FAM107B: variants seen among roughly 807,000 people sequenced by gnomAD.
FAM107B encodes protein FAM107B.
FAM107B carries 21 observed loss-of-function variants against 31.5 expected under a neutral mutation model. That is an observed-to-expected ratio of 0.67 (90% CI 0.47 to 0.96). The LOEUF (loss-of-function observed/expected upper bound fraction) is 0.96. FAM107B is among the 40% of genes least tolerant of loss of function. The pLI is 0.00. For synonymous variants in FAM107B, 157 were observed against 141.5 expected, an observed-to-expected ratio of 1.11 and a Z score of -0.78; for missense variants, 452 against 377.1, an observed-to-expected ratio of 1.20 and a Z score of -1.64.
At chr10:14,733,722 C>A (rs1856226631) in intron 1 of FAM107B, among the ~76,000 whole-genome samples, 1 of 152,154 alleles carries the variant, frequency 6.6e-6, no homozygotes, top group South Asian at 2.1e-4. Context: ...GAGAAATTGG[C>A]AGCTCAAAGA....
intron 2 of FAM107B, among the ~76,000 whole-genome samples, chr10:14,655,915 G>A (rs190188178): frequency 6.6e-6 from 1 of 152,246 alleles, no homozygotes; most frequent in Admixed American, 6.5e-5. Context: ...CAGGTTCTGG[G>A]GTGAGAGGAA....
intron 1 of FAM107B, among the ~76,000 whole-genome samples, chr10:14,712,799 C>T (rs368772491): frequency 1.2e-3 from 188 of 152,216 alleles, no homozygotes; most frequent in African/African-American, 4.3e-3. Context: ...TCTTAAATTT[C>T]CTTTTCTTGG....
intron 2 of FAM107B, among the ~76,000 whole-genome samples, chr10:14,560,177 T>C (rs548655853): frequency 2.0e-5 from 3 of 152,234 alleles, no homozygotes; most frequent in African/African-American, 2.4e-5. Flanking sequence ...ACCAACAGTT[T>C]GTCCCATCTG....
intron 1 of FAM107B, among the ~76,000 whole-genome samples, chr10:14,690,420 C>T (rs908332870): frequency 6.6e-6 from 1 of 152,180 alleles, no homozygotes; most frequent in Admixed American, 6.5e-5. Context: ...CTCTACATCT[C>T]ACCCATACTT....
At chr10:14,731,051 C>G (rs17267436) in intron 1 of FAM107B, among the ~76,000 whole-genome samples, 3 of 152,038 alleles carry the variant, frequency 2.0e-5, no homozygotes, top group Non-Finnish European at 4.4e-5. Context: ...CAGGCACAGG[C>G]GGATATTACA....
intron 2 of FAM107B, among the ~76,000 whole-genome samples, chr10:14,573,231 C>T (rs973274572): frequency 2.0e-5 from 3 of 152,114 alleles, no homozygotes; most frequent in Non-Finnish European, 2.9e-5. Context: ...ACTTAATCCT[C>T]AATGCAACAG....
At chr10:14,742,549 A>G (rs117948069) in intron 1 of FAM107B, among the ~76,000 whole-genome samples, 2,430 of 152,304 alleles carry the variant, frequency 0.016, 33 homozygotes, top group Non-Finnish European at 0.022. Context: ...GGGGTAGGGT[A>G]GCTACTCACT....
chr10:14,553,531 G>C, intron 2 of FAM107B: 1 of 376,468 alleles, frequency 2.7e-6, no homozygotes. Context: ...GAAGTTCTCT[G>C]GTCCCTGGTA....
chr10:14,535,683 A>G (rs1384542431), intron 2 of FAM107B, among the ~76,000 whole-genome samples: 1 of 152,234 alleles, frequency 6.6e-6, no homozygotes, highest in Non-Finnish European at 1.5e-5. Context: ...GACAGGCCTG[A>G]TGACAAGGGC....
intron 2 of FAM107B, among the ~76,000 whole-genome samples, chr10:14,559,959 A>T (rs1030942400): frequency 1.3e-5 from 2 of 151,902 alleles, no homozygotes; most frequent in Non-Finnish European, 1.5e-5. Context: ...ATAAACCTCA[A>T]CCTCCTCCTA....
intron 2 of FAM107B, among the ~76,000 whole-genome samples, chr10:14,646,097 T>A (rs550628759): frequency 3.3e-4 from 51 of 152,318 alleles, no homozygotes; most frequent in Admixed American, 2.4e-3. Flanking sequence ...AAACAGATTG[T>A]CCGTAATGCA....
chr10:14,743,428 G>A (rs1043969397), intron 1 of FAM107B, among the ~76,000 whole-genome samples: 5 of 152,076 alleles, frequency 3.3e-5, no homozygotes, highest in African/African-American at 9.7e-5. Context: ...ATCTTTGCCC[G>A]TGCCTATGTC....
chr10:14,619,989 T>A lies in FAM107B; in HGVS notation c.469+47645A>T, dbSNP rs962235262. Among the ~76,000 whole-genome samples the A allele has an allele frequency of 1.1e-4, 17 of 151,456 alleles. No homozygotes were observed. The South Asian group carries it at 2.1e-3, about 19-fold the overall frequency. ...TGCAAATCAGTTGACCGTGTAAGTG[T>A]CTATCTACGTCTGGACTTTCTTTCT... On this transcript the variant is annotated intron_variant, in intron 2 of 4. Coordinates refer to ENST00000181796, the MANE Select transcript of FAM107B (RefSeq NM_031453.4).
intron 2 of FAM107B, among the ~76,000 whole-genome samples, chr10:14,663,218 C>T (rs1251966978): frequency 6.6e-6 from 1 of 152,226 alleles, no homozygotes; most frequent in Non-Finnish European, 1.5e-5. Context: ...CCTTGTTCCT[C>T]AGCTTGCAGA....
rs1357922331 is a variant in FAM107B, at chr10:14,774,556, C to G, written c.108G>C (p.Glu36Asp). ...CGCCGGACTGATTGAAGGAAGCACT[C>G]TCCCTCGTATTCCCAAAACAGGCGA... ...ALLACFGNTR[E>D]SASFNQSGVA... is the part of the protein sequence containing the mutation. The change falls in exon 1 of 5, where the codon GAG becomes GAC. Residue 36 changes from glutamate (E) to aspartate (D), a missense_variant. Glu to Asp is a conservative substitution (Grantham distance 45, BLOSUM62 2). Transcript: ENST00000181796. 1 of 1,614,208 alleles carries G rather than the reference C, an allele frequency of 6.2e-7. No homozygotes were observed. Among genetic ancestry groups the G allele is most frequent in the Non-Finnish European group, 8.5e-7 (1 of 1,180,048 alleles).
At chr10:14,749,752 G>C (rs368691805) in intron 1 of FAM107B, among the ~76,000 whole-genome samples, 1 of 152,062 alleles carries the variant, frequency 6.6e-6, no homozygotes, top group Non-Finnish European at 1.5e-5. Context: ...CTACCATCCC[G>C]CTGAAGTCCC....
At chr10:14,626,025 G>T (rs1182044683) in intron 2 of FAM107B, among the ~76,000 whole-genome samples, 1 of 152,152 alleles carries the variant, frequency 6.6e-6, no homozygotes, top group Admixed American at 6.5e-5. Context: ...GAGCCAAGGG[G>T]AGGCTTGGGA....
chr10:14,639,019 C>T (rs1042442902), intron 2 of FAM107B, among the ~76,000 whole-genome samples: 35 of 151,878 alleles, frequency 2.3e-4, no homozygotes, highest in Admixed American at 2.1e-3. Flanking sequence ...AGTGAGACCC[C>T]ATCTCTATAA....
At chr10:14,688,441 A>C (rs1035892304) in intron 1 of FAM107B, among the ~76,000 whole-genome samples, 1 of 152,192 alleles carries the variant, frequency 6.6e-6, no homozygotes, top group Non-Finnish European at 1.5e-5. Context: ...ACTAATACAC[A>C]CACACAGGCA....
Sources: gnomAD v4.1 joint callset for allele counts (sites outside exome capture counted in the v4.1 genomes callset) on GRCh38, gnomAD v4.1.1 for gene constraint, MANE v1.5 for transcripts, NCBI Gene and HGNC (gene_info 2026-07-23, HGNC 2026-07-21) for gene names.